PARP9: variants seen among roughly 807,000 people sequenced by gnomAD.
PARP9 encodes poly(ADP-ribose) polymerase family member 9.
In PARP9, 48 loss-of-function variants were observed where a neutral mutation model predicts 68.8. That is an observed-to-expected ratio of 0.70 (90% confidence interval 0.55 to 0.89). The LOEUF (loss-of-function observed/expected upper bound fraction) is 0.89, where lower values mean the gene tolerates loss of function less well. Among genes scored for constraint, PARP9 ranks in the 40% least tolerant of loss-of-function variants. PARP9 has a pLI of 0.00. For synonymous variants in PARP9, 309 were observed against 333.8 expected, an observed-to-expected ratio of 0.93 and a Z score of 0.81; for missense variants, 806 against 969.3, an observed-to-expected ratio of 0.83 and a Z score of 2.24.
At chr3:122,535,160 C>A in intron 10 of PARP9, 1 of 985,288 alleles carries the variant, frequency 1.0e-6, no homozygotes, top group Non-Finnish European at 1.2e-6. Flanking sequence ...GCTTTAGGAG[C>A]AAATGGAAAT....
chr3:122,545,558 C>G (rs1448472461), intron 6 of PARP9, 69 bp from the exon 7 acceptor site: 6 of 1,418,866 alleles, frequency 4.2e-6, no homozygotes, highest in Non-Finnish European at 2.0e-6. Context: ...AAGTCTCCCT[C>G]TCTGCACACA....
intron 2 of PARP9, among the ~76,000 whole-genome samples, chr3:122,558,989 T>C (rs1430421659): frequency 6.6e-6 from 1 of 152,210 alleles, no homozygotes; most frequent in Non-Finnish European, 1.5e-5. Context: ...TAACTGGGAT[T>C]ATAGGCGCCA....
chr3:122,539,718 G>A (rs2078039697), intron 8 of PARP9, among the ~76,000 whole-genome samples: 1 of 151,914 alleles, frequency 6.6e-6, no homozygotes, highest in Admixed American at 6.6e-5. Flanking sequence ...GGGCCACCAT[G>A]CCTGGCTAAT....
intron 8 of PARP9, among the ~76,000 whole-genome samples, chr3:122,539,567 CT>C (rs1177248789): frequency 4.6e-5 from 4 of 86,954 alleles, no homozygotes; most frequent in South Asian, 7.6e-4. Flanking sequence ...TTCTTTCTTT[CT>C]TTTTTTTTTG....
At chr3:122,561,335 C>G (rs2080187872) in intron 1 of PARP9, among the ~76,000 whole-genome samples, 1 of 152,148 alleles carries the variant, frequency 6.6e-6, no homozygotes, top group South Asian at 2.1e-4. Flanking sequence ...TGGTGCATGC[C>G]TATAGTCCCA....
At chr3:122,529,626 C>T (rs776641580) in intron 10 of PARP9, among the ~76,000 whole-genome samples, 113 of 151,910 alleles carry the variant, frequency 7.4e-4, no homozygotes, top group Non-Finnish European at 1.1e-3. Context: ...CAGTTGGGGG[C>T]GCCTGTAGTC....
chr3:122,564,337 T>A, upstream of PARP9: 1 of 1,434,518 alleles, frequency 7.0e-7, no homozygotes, highest in South Asian at 1.4e-5. Context: ...GAAGCGAAAC[T>A]GAAACTTTGC....
Position 122,550,670 on chromosome 3 carries a change from C to T in PARP9, c.1240G>A (p.Glu414Lys). The change falls in exon 6 of 11, where the codon GAA (glutamate) becomes AAA (lysine). Residue 414 changes from glutamate to lysine, a missense_variant. By Grantham distance (56) the Glu-to-Lys change is moderately conservative. This residue lies in a region of PARP9 where 680 missense variants were observed against 858.8 expected (regional missense o/e 0.79). Coordinates refer to ENST00000682323, the MANE Select transcript of PARP9 (RefSeq NM_001146105.2). ...KETAAEILFD[E>K]VLTFAKDHVK... The stretch of plus-strand genomic sequence containing the variant: ...TGGTCTTTGGCAAATGTTAAAACTT[C>T]ATCAAACAAAATCTCTGCTGCTGTT... 1 of 1,614,080 alleles carries T rather than the reference C, an allele frequency of 6.2e-7. No individual in the cohort carries two copies. The highest frequency in any genetic ancestry group is 8.5e-7 in the Non-Finnish European group (1 of 1,180,016).
At chr3:122,542,554 A>T (rs906258671) in intron 7 of PARP9, among the ~76,000 whole-genome samples, 1 of 151,990 alleles carries the variant, frequency 6.6e-6, no homozygotes, top group Non-Finnish European at 1.5e-5. Context: ...ATCTCGGCTC[A>T]CTGCAGCCTC....
chr3:122,553,199 C>G (rs557765774), intron 4 of PARP9, among the ~76,000 whole-genome samples: 2 of 152,200 alleles, frequency 1.3e-5, no homozygotes, highest in Middle Eastern at 3.4e-3. Flanking sequence ...CAGACCCCCC[C>G]ACTCACCCAC....
intron 8 of PARP9, among the ~76,000 whole-genome samples, chr3:122,539,513 T>TTCTC: frequency 4.3e-5 from 1 of 23,200 alleles, no homozygotes; most frequent in African/African-American, 1.9e-4. Flanking sequence ...TGGCATTTCT[T>TTCTC]TCTTTCTTTC....
chr3:122,550,634 G>T lies in PARP9; in HGVS notation c.1276C>A (p.Gln426Lys). ...LTFAKDHVKH[Q>K]LTVKFVIFPT... Reference sequence around the variant, plus strand: ...AAGATCACAAATTTTACAGTTAACTGGTGTTTTACATGGTCTTTGGCAAAT... The same window carrying T: ...AAGATCACAAATTTTACAGTTAACTTGTGTTTTACATGGTCTTTGGCAAAT... The change falls in exon 6 of 11, where the codon CAG (glutamine) becomes AAG (lysine). Residue 426 changes from glutamine (Q) to lysine (K), a missense_variant. By Grantham distance (53) the Gln-to-Lys change is moderately conservative. Transcript: ENST00000682323. The T allele has an allele frequency of 1.9e-6, 3 of 1,613,686 alleles. No individual in the cohort carries two copies. Among genetic ancestry groups the T allele is most frequent in the African/African-American group, 2.7e-5 (2 of 75,000 alleles).
At chr3:122,563,699 T>C (rs899363940) in intron 1 of PARP9, among the ~76,000 whole-genome samples, 10 of 151,802 alleles carry the variant, frequency 6.6e-5, no homozygotes, top group Non-Finnish European at 1.2e-4. Flanking sequence ...CAGGTGCTTT[T>C]CCCCCCAATC....
chr3:122,544,849 A>G (rs2078570055), intron 7 of PARP9, among the ~76,000 whole-genome samples: 1 of 152,164 alleles, frequency 6.6e-6, no homozygotes, highest in African/African-American at 2.4e-5. Context: ...AAGAAAAGAA[A>G]ATATGCTCGG....
At chr3:122,545,780 T>A in intron 6 of PARP9, 1 of 344,528 alleles carries the variant, frequency 2.9e-6, no homozygotes, top group Non-Finnish European at 5.3e-6. Context: ...TTCAACAGAT[T>A]TTAATGCCCT....
upstream of PARP9, chr3:122,564,662 C>T: frequency 6.4e-7 from 1 of 1,552,684 alleles, no homozygotes; most frequent in African/African-American, 1.4e-5. Flanking sequence ...GGCCCGGCCC[C>T]CGGGTTTCCA....
rs746771335 is a variant in PARP9 at position 122,536,207 on chromosome 3, A to G, written c.2041T>C (p.Cys681Arg). The G allele has an allele frequency of 2.1e-5, 34 of 1,614,062 alleles. No homozygotes were observed. The highest frequency in any genetic ancestry group is 6.7e-5 in the Admixed American group (4 of 60,012). The change falls in exon 10 of 11, where the codon TGC becomes CGC. Residue 681 changes from cysteine (C) to arginine (R), a missense_variant. Physicochemically the swap from Cys to Arg is radical, Grantham distance 180. This residue lies in a region of PARP9 where 680 missense variants were observed against 858.8 expected (regional missense o/e 0.79). Transcript: ENST00000682323. ...QVPYQFCNVV[C>R]RVGFQRMYST... ...TACATTCTTTGAAAGCCAACTCTGCATACCACATTGCAGAACTGGTATGGG... is the reference window on the plus strand; with the variant it reads ...TACATTCTTTGAAAGCCAACTCTGCGTACCACATTGCAGAACTGGTATGGG...
chr3:122,560,540 C>T (rs1403763007), intron 1 of PARP9, among the ~76,000 whole-genome samples: 1 of 152,096 alleles, frequency 6.6e-6, no homozygotes, highest in Non-Finnish European at 1.5e-5. Flanking sequence ...GCGCCCGCCA[C>T]CACGCCCAGC....
intron 1 of PARP9, among the ~76,000 whole-genome samples, chr3:122,560,751 A>G (rs1326990944): frequency 6.6e-6 from 1 of 152,216 alleles, no homozygotes; most frequent in Admixed American, 6.5e-5. Context: ...TCAGAGCACT[A>G]TTCTTACTCA....
Sources: gnomAD v4.1 joint callset for allele counts (sites outside exome capture counted in the v4.1 genomes callset) on GRCh38, gnomAD v4.1.1 for gene constraint, gnomAD v4.1.1 regional missense constraint, MANE v1.5 for transcripts, NCBI Gene and HGNC (gene_info 2026-07-23, HGNC 2026-07-21) for gene names.